SAMD12: variants seen among roughly 807,000 people sequenced by gnomAD.
The protein encoded by SAMD12 is sterile alpha motif domain-containing protein 12.
A neutral mutation model predicts 15.0 loss-of-function variants in SAMD12; 9 were observed. The ratio of observed to expected loss-of-function variants is 0.60; its 90% CI spans 0.36 to 1.05. The LOEUF (loss-of-function observed/expected upper bound fraction) is 1.05. SAMD12 is among the 50% of genes least tolerant of loss of function. SAMD12 has a pLI of 0.01. For missense variants in SAMD12, 230 were observed against 234.2 expected (o/e 0.98, Z 0.12); for synonymous variants, 86 against 90.1 (o/e 0.96, Z 0.25).
chr8:118,224,779 A>G (rs1258878948), intron 4 of SAMD12, among the ~76,000 whole-genome samples: 2 of 152,224 alleles, frequency 1.3e-5, no homozygotes, highest in African/African-American at 4.8e-5. Flanking sequence ...TGATGTTAAC[A>G]GATGTGACTT....
intron 2 of SAMD12, among the ~76,000 whole-genome samples, chr8:118,497,140 CA>C (rs1284904023): frequency 6.6e-6 from 1 of 152,146 alleles, no homozygotes; most frequent in Non-Finnish European, 1.5e-5. Context: ...TTAGTTCAGC[CA>C]CTGTAGAAAG....
intron 2 of SAMD12, among the ~76,000 whole-genome samples, chr8:118,498,733 A>T (rs1336548954): frequency 6.6e-6 from 1 of 152,240 alleles, no homozygotes; most frequent in East Asian, 1.9e-4. Context: ...TGATGGAAAG[A>T]ATACACAGAG....
chr8:118,562,242 T>A (rs549717495), intron 2 of SAMD12, among the ~76,000 whole-genome samples: 1 of 152,108 alleles, frequency 6.6e-6, no homozygotes, highest in African/African-American at 2.4e-5. Context: ...CAAGTGGAAA[T>A]GTCCACCAGG....
chr8:118,348,498 A>C (rs550486306), intron 4 of SAMD12, among the ~76,000 whole-genome samples: 2 of 151,860 alleles, frequency 1.3e-5, no homozygotes, highest in South Asian at 4.2e-4. Flanking sequence ...CAGCCTCCCG[A>C]GTAGCTGGAA....
intron 2 of SAMD12, among the ~76,000 whole-genome samples, chr8:118,463,906 A>G (rs1463325689): frequency 6.6e-6 from 1 of 152,140 alleles, no homozygotes; most frequent in Admixed American, 6.5e-5. Flanking sequence ...TGCTGGAATT[A>G]TAGGGCCTTA....
At chr8:118,254,409 A>T (rs1330123699) in intron 4 of SAMD12, among the ~76,000 whole-genome samples, 1 of 152,094 alleles carries the variant, frequency 6.6e-6, no homozygotes, top group Non-Finnish European at 1.5e-5. Flanking sequence ...AGTTCCAGAG[A>T]TTTTGATTCA....
chr8:118,522,748 T>A (rs928029373), intron 2 of SAMD12, among the ~76,000 whole-genome samples: 1 of 152,124 alleles, frequency 6.6e-6, no homozygotes, highest in Non-Finnish European at 1.5e-5. Context: ...GAACAAGCAG[T>A]TTTTAATTTC....
At chr8:118,616,223 T>C (rs559227771) in intron 1 of SAMD12, among the ~76,000 whole-genome samples, 7 of 152,358 alleles carry the variant, frequency 4.6e-5, no homozygotes, top group Admixed American at 1.3e-4. Flanking sequence ...ACTGCTTTCA[T>C]GACATCTGCT....
intron 4 of SAMD12, among the ~76,000 whole-genome samples, chr8:118,247,519 T>C (rs1004763289): frequency 6.6e-6 from 1 of 152,116 alleles, no homozygotes; most frequent in Admixed American, 6.5e-5. Flanking sequence ...GAACATCACA[T>C]TGTATTACAT....
intron 2 of SAMD12, among the ~76,000 whole-genome samples, chr8:118,579,090 A>G (rs925447766): frequency 5.9e-5 from 9 of 152,202 alleles, no homozygotes; most frequent in Non-Finnish European, 1.0e-4. Context: ...ATAAAATCAT[A>G]TCAGATTTGA....
chr8:118,461,426 G>GT (rs1435582910), intron 2 of SAMD12, among the ~76,000 whole-genome samples: 2 of 152,064 alleles, frequency 1.3e-5, no homozygotes, highest in Non-Finnish European at 2.9e-5. Context: ...TATTCTCACT[G>GT]TAACAATTTA....
chr8:118,271,107 T>G (rs745550677), intron 4 of SAMD12, among the ~76,000 whole-genome samples: 5 of 152,164 alleles, frequency 3.3e-5, no homozygotes, highest in Non-Finnish European at 7.4e-5. Flanking sequence ...ATTAGTCCAT[T>G]CTCATGCTGC....
rs190055433 is a variant in SAMD12 at position 118,549,650 on chromosome 8, C to T, written c.192+31065G>A. Among the ~76,000 whole-genome samples, 1,520 of 152,324 alleles carry T rather than the reference C, an allele frequency of 1.0e-2. 30 individuals carry two copies. The highest frequency in any genetic ancestry group is 0.012 in the Non-Finnish European group (792 of 68,034). ...TCTCCTCCTCCAAAGGAACGCAGTT[C>T]CTCACCAGCAATGGAACAAAGCTGG... On this transcript the variant is annotated intron_variant, in intron 2 of 3. Coordinates refer to ENST00000314727, the MANE Select transcript of SAMD12 (RefSeq NM_207506.3).
At chr8:118,230,725 C>G (rs1355735308) in intron 4 of SAMD12, among the ~76,000 whole-genome samples, 2 of 151,736 alleles carry the variant, frequency 1.3e-5, no homozygotes, top group Non-Finnish European at 2.9e-5. Flanking sequence ...GAGAAAATAG[C>G]AAGTGGAAAG....
At chr8:118,448,020 G>A (rs886328738) in intron 2 of SAMD12, among the ~76,000 whole-genome samples, 15 of 152,190 alleles carry the variant, frequency 9.9e-5, no homozygotes, top group African/African-American at 2.6e-4. Context: ...GAGCCACCGC[G>A]CCCAGCCTCT....
At chr8:118,366,023 A>T (rs1043260311) in intron 4 of SAMD12, among the ~76,000 whole-genome samples, 3 of 152,190 alleles carry the variant, frequency 2.0e-5, no homozygotes, top group Admixed American at 6.5e-5. Flanking sequence ...CATGTATATA[A>T]GAACCATATC....
chr8:118,393,897 T>C (rs1313469341), intron 3 of SAMD12, among the ~76,000 whole-genome samples: 1 of 152,168 alleles, frequency 6.6e-6, no homozygotes, highest in African/African-American at 2.4e-5. Flanking sequence ...CCACCAAGCC[T>C]GGCCCCATGC....
At chr8:118,411,187 C>T (rs1821390688) in intron 3 of SAMD12, among the ~76,000 whole-genome samples, 1 of 152,092 alleles carries the variant, frequency 6.6e-6, no homozygotes, top group African/African-American at 2.4e-5. Flanking sequence ...TTGTACGTTA[C>T]AGGAAAAGAC....
intron 3 of SAMD12, among the ~76,000 whole-genome samples, chr8:118,392,591 G>A (rs1488760574): frequency 1.3e-5 from 2 of 152,232 alleles, no homozygotes; most frequent in Admixed American, 6.5e-5. Context: ...GATCCTGATG[G>A]TGACCCTGGG....
Sources: allele counts gnomAD v4.1 joint callset (sites outside exome capture counted in the v4.1 genomes callset), GRCh38; gene constraint gnomAD v4.1.1; transcripts MANE v1.5; gene names NCBI Gene and HGNC (gene_info 2026-07-23, HGNC 2026-07-21).